The following FSTL5 variants were observed in gnomAD, a reference collection of about 807,000 sequenced individuals.
The protein encoded by FSTL5 is follistatin-related protein 5.
In FSTL5, 62 loss-of-function variants were observed where a neutral mutation model predicts 89.1. The ratio of observed to expected loss-of-function variants is 0.70; its 90% confidence interval spans 0.57 to 0.86. The LOEUF (loss-of-function observed/expected upper bound fraction) is 0.86, where lower values mean the gene tolerates loss of function less well. FSTL5 is among the 40% of genes least tolerant of loss of function. The probability of loss-of-function intolerance (pLI) is 0.00; values close to 1 mark genes in which losing one functional copy is unlikely to be tolerated. For synonymous variants in FSTL5, 383 were observed against 346.2 expected (o/e 1.11, Z -1.18); for missense variants, 1,057 against 1,001.6 (o/e 1.06, Z -0.75).
chr4:161,565,742 GACACACACAC>G (rs145835055), intron 8 of FSTL5, among the ~76,000 whole-genome samples: 29 of 133,664 alleles, frequency 2.2e-4, no homozygotes, highest in Admixed American at 6.2e-4. Context: ...TATAACTTGA[GACACACACAC>G]ACACACACAC....
At chr4:162,060,917 A>C (rs1345651158) in intron 2 of FSTL5, among the ~76,000 whole-genome samples, 1 of 152,122 alleles carries the variant, frequency 6.6e-6, no homozygotes, top group African/African-American at 2.4e-5. Context: ...CAACATAACC[A>C]AATTCAATTT....
At chr4:161,695,663 T>C (rs892911009) in intron 6 of FSTL5, among the ~76,000 whole-genome samples, 1 of 151,888 alleles carries the variant, frequency 6.6e-6, no homozygotes, top group African/African-American at 2.4e-5. Flanking sequence ...CTTGCAGGAG[T>C]TAGGTGGTAT....
At chr4:162,127,694 T>C (rs1732136093) in intron 1 of FSTL5, among the ~76,000 whole-genome samples, 1 of 152,112 alleles carries the variant, frequency 6.6e-6, no homozygotes, top group Non-Finnish European at 1.5e-5. Context: ...TACTAATATA[T>C]ATACAGTTTA....
chr4:162,025,014 CT>C (rs1185877695), intron 3 of FSTL5, among the ~76,000 whole-genome samples: 1 of 152,036 alleles, frequency 6.6e-6, no homozygotes, highest in Non-Finnish European at 1.5e-5. Flanking sequence ...TAACGCTTTA[CT>C]TCCCCCAAAA....
intron 8 of FSTL5, among the ~76,000 whole-genome samples, chr4:161,570,957 T>TA (rs1732986164): frequency 6.6e-6 from 1 of 151,750 alleles, no homozygotes; most frequent in Non-Finnish European, 1.5e-5. Context: ...CTACTAAAAA[T>TA]ACAAAAATTA....
chr4:161,733,475 A>G (rs903658758), intron 6 of FSTL5, among the ~76,000 whole-genome samples: 1 of 151,970 alleles, frequency 6.6e-6, no homozygotes, highest in African/African-American at 2.4e-5. Flanking sequence ...TATGCTTTTC[A>G]TGTCCCTTTC....
Position 161,542,560 on chromosome 4 carries a change from T to G in FSTL5, c.1149A>C (p.Pro383=), listed in dbSNP as rs780600683. ...GAAGCGTGAGTTGTTTGGAAAGCTT[T>G]GGTGTAATATCAATTCCATTCTTCA... ...GWLKNGIDIT[P]KLSKQLTLQA... is the part of the protein sequence containing the mutation. Residue 383 remains proline, a synonymous_variant, in exon 9 of 16, where the codon CCA becomes CCC. Transcript: ENST00000306100. 2 of 1,539,096 alleles carry G rather than the reference T, an allele frequency of 1.3e-6. No homozygotes were observed. The highest frequency in any genetic ancestry group is 1.8e-6 in the Non-Finnish European group (2 of 1,139,244).
intron 12 of FSTL5, among the ~76,000 whole-genome samples, 176 bp downstream of exon 12, chr4:161,499,840 A>G (rs1034388016): frequency 6.8e-6 from 1 of 147,800 alleles, no homozygotes; most frequent in Admixed American, 6.8e-5. Context: ...TACATAATAT[A>G]TTATTTTCCT....
chr4:161,801,579 T>C (rs537308626), intron 4 of FSTL5, among the ~76,000 whole-genome samples: 1 of 151,598 alleles, frequency 6.6e-6, no homozygotes, highest in African/African-American at 2.4e-5. Context: ...TAAAATCTCT[T>C]ATCTCTTATG....
intron 3 of FSTL5, among the ~76,000 whole-genome samples, chr4:161,992,924 ATGTG>A (rs1240704660): frequency 6.2e-4 from 9 of 14,528 alleles, no homozygotes; most frequent in African/African-American, 1.2e-3. Context: ...ATATATATAT[ATGTG>A]TGTATATATA....
chr4:161,388,205 A>T (rs1446830924), intron 15 of FSTL5: 1 of 151,982 alleles, frequency 6.6e-6, no homozygotes, highest in Non-Finnish European at 1.5e-5. Flanking sequence ...CTTGTAGCTT[A>T]TTTGCTAACT....
chr4:161,687,559 A>T (rs1737788583), intron 6 of FSTL5, among the ~76,000 whole-genome samples: 1 of 152,148 alleles, frequency 6.6e-6, no homozygotes, highest in Admixed American at 6.5e-5. Flanking sequence ...CAACTAGGCA[A>T]TTATTTCACT....
chr4:161,838,879 T>A (rs1731129421), intron 4 of FSTL5, among the ~76,000 whole-genome samples: 1 of 151,706 alleles, frequency 6.6e-6, no homozygotes, highest in Non-Finnish European at 1.5e-5. Flanking sequence ...TCATAGCAAG[T>A]ATTTACTCTG....
At chr4:161,558,407 A>C (rs894997736) in intron 8 of FSTL5, among the ~76,000 whole-genome samples, 1 of 151,880 alleles carries the variant, frequency 6.6e-6, no homozygotes, top group African/African-American at 2.4e-5. Flanking sequence ...CTGCATAAGA[A>C]TTTACAGTTA....
rs577618848 is a variant in FSTL5 at position 161,677,775 on chromosome 4, A to G, written c.728-21281T>C. Among the ~76,000 whole-genome samples the G allele has an allele frequency of 5.3e-5, 8 of 152,076 alleles. No individual in the cohort carries two copies. The South Asian group carries it at 1.7e-3, about 31-fold the overall frequency. On this transcript the variant is annotated intron_variant, in intron 6 of 15. Transcript: ENST00000306100. ...TAATATATTGTTATTAACTACAATT[A>G]TGTTGTAAAATAAATAGATCTTTCA...
chr4:161,551,661 G>A (rs924966941), intron 8 of FSTL5, among the ~76,000 whole-genome samples: 58 of 152,046 alleles, frequency 3.8e-4, no homozygotes, highest in Non-Finnish European at 6.5e-4. Flanking sequence ...GAACAGAACA[G>A]AGCCCTCAGA....
At chr4:161,852,166 A>G (rs1336768339) in intron 4 of FSTL5, among the ~76,000 whole-genome samples, 1 of 98,182 alleles carries the variant, frequency 1.0e-5, no homozygotes, top group Non-Finnish European at 2.1e-5. Context: ...CTCTTTCAAC[A>G]TAGGTAGATA....
At chr4:161,400,037 T>A (rs1373006464) in intron 15 of FSTL5, among the ~76,000 whole-genome samples, 1 of 152,156 alleles carries the variant, frequency 6.6e-6, no homozygotes, top group Admixed American at 6.5e-5. Context: ...AGTATCTAAA[T>A]CTATTATATG....
At chr4:161,439,545 A>C (rs946762793) in intron 15 of FSTL5, among the ~76,000 whole-genome samples, 1 of 152,240 alleles carries the variant, frequency 6.6e-6, no homozygotes, top group Admixed American at 6.5e-5. Context: ...AATGGGCTAA[A>C]ATATGCAAAG....
Sources: gnomAD v4.1 joint callset for allele counts (sites outside exome capture counted in the v4.1 genomes callset) on GRCh38, gnomAD v4.1.1 for gene constraint, MANE v1.5 for transcripts, NCBI Gene and HGNC (gene_info 2026-07-23, HGNC 2026-07-21) for gene names.